The following SYT13 variants were observed in gnomAD, a reference collection of about 807,000 sequenced individuals.
The protein encoded by SYT13 is synaptotagmin-13.
Under a neutral mutation model 38.6 loss-of-function variants are expected in SYT13, and 21 were observed. The ratio of observed to expected loss-of-function variants is 0.54; its 90% CI spans 0.39 to 0.78. SYT13 has a LOEUF of 0.78. Ranked by LOEUF, SYT13 falls within the 30% of genes least tolerant of loss-of-function variation. The pLI, the probability that SYT13 is intolerant of heterozygous loss-of-function variation, is 0.00. For synonymous variants in SYT13, 241 were observed against 237.6 expected, an observed-to-expected ratio of 1.01 and a Z score of -0.13; for missense variants, 495 against 548.7, an observed-to-expected ratio of 0.90 and a Z score of 0.98.
chr11:45,286,133 C>T lies in SYT13; in HGVS notation c.75G>A (p.Gly25=), dbSNP rs1338194872. ...GTATSILALC[G]VTCLCRHMHP... ...GCATGTGCCGACACAGGCAGGTGAC[C>T]CCGCACAACGCGAGGATGCTGGTGG... Residue 25 remains glycine, a synonymous_variant, in exon 1 of 6, where the codon GGG becomes GGA. Coordinates refer to ENST00000020926, the MANE Select transcript of SYT13 (RefSeq NM_020826.3). 3.8e-6 allele frequency: 6 copies of T among 1,597,764 alleles called. No individual in the cohort carries two copies. The Admixed American group carries it at 1.0e-4, about 28-fold the overall frequency.
chr11:45,243,784 T>C lies in SYT13; in HGVS notation c.*268A>G, dbSNP rs1181277852. The C allele has an allele frequency of 1.5e-5, 6 of 394,840 alleles. No homozygotes were observed. The highest frequency in any genetic ancestry group is 2.2e-5 in the Non-Finnish European group (5 of 222,436). 24.5% of individuals were successfully genotyped at this position (394,840 alleles called of 1,614,324 possible). ...TCTGCATCTGGCCTAACCCCACCTA[T>C]AAAACAGGCATAGGAACTGTATTTA... On this transcript the variant is annotated 3_prime_UTR_variant, in exon 6 of 6. Coordinates refer to ENST00000020926, the MANE Select transcript of SYT13 (RefSeq NM_020826.3).
intron 4 of SYT13, among the ~76,000 whole-genome samples, chr11:45,251,386 T>TAAAAAAAAAAAAAAAAAAAAAAAAAAAAA (rs10649998): frequency 1.3e-5 from 1 of 75,354 alleles, no homozygotes; most frequent in African/African-American, 5.8e-5. Flanking sequence ...AGACTCTGTC[T>TAAAAAAAAAAAAAAAAAAAAAAAAAAAAA]AAAAAAAAAA....
chr11:45,244,504 T>A, intron 5 of SYT13, 148 bp from the exon 6 acceptor site: 1 of 952,998 alleles, frequency 1.0e-6, no homozygotes, highest in Non-Finnish European at 1.5e-6. Context: ...CCCAAACATC[T>A]TAGAGGCCTC....
chr11:45,251,105 C>T (rs1294476943), intron 4 of SYT13, among the ~76,000 whole-genome samples: 1 of 151,968 alleles, frequency 6.6e-6, no homozygotes, highest in African/African-American at 2.4e-5. Context: ...AAATAGTACC[C>T]TTGGCCGGGT....
At chr11:45,279,054 C>T (rs1432582597) in intron 1 of SYT13, among the ~76,000 whole-genome samples, 2 of 152,172 alleles carry the variant, frequency 1.3e-5, no homozygotes, top group African/African-American at 4.8e-5. Flanking sequence ...TTTATAGACA[C>T]TTTTATGCCA....
At position 45,243,267 on chromosome 11, in the gene SYT13, A is replaced by T. The variant is rs1395686289; in HGVS notation, c.*785T>A. 1 of 152,268 alleles carries T rather than the reference A, an allele frequency of 6.6e-6. No homozygotes were observed. The highest frequency in any genetic ancestry group is 6.5e-5 in the Admixed American group (1 of 15,292). The allele number at this position is 152,268 out of a possible 1,614,324, so 9.4% of individuals were successfully genotyped here. ...CAAGAGCAGGGGGCTTATGAAATGC[A>T]CAAATTAAAGTATTAAGAATTAAAA... On this transcript the variant is annotated 3_prime_UTR_variant, in exon 6 of 6. Transcript: ENST00000020926.
Position 45,255,627 on chromosome 11 carries a change from G to A in SYT13, c.409+39C>T, listed in dbSNP as rs1055088635. ...AGAGACATTGACAAGCCCCACTGGA[G>A]TGCTGCCCATGGAAGTGCAGGGGGC... On this transcript the variant is annotated intron_variant, in intron 2 of 5. Transcript: ENST00000020926. 3 of 1,583,024 alleles carry A rather than the reference G, an allele frequency of 1.9e-6. No individual in the cohort carries two copies. The African/African-American group carries it at 4.0e-5, about 21-fold the overall frequency.
At chr11:45,268,645 T>C (rs1342173862) in intron 1 of SYT13, among the ~76,000 whole-genome samples, 2 of 152,154 alleles carry the variant, frequency 1.3e-5, no homozygotes, top group Non-Finnish European at 1.5e-5. Context: ...ACATGGTTAA[T>C]AAGATGCAGA....
At chr11:45,281,666 C>CAAA (rs747673327) in intron 1 of SYT13, among the ~76,000 whole-genome samples, 47 of 112,110 alleles carry the variant, frequency 4.2e-4, no homozygotes, top group African/African-American at 1.5e-3. Context: ...GACTCTGCCT[C>CAAA]AAAAAAAAAA....
At chr11:45,278,787 AG>A (rs1297899695) in intron 1 of SYT13, among the ~76,000 whole-genome samples, 2 of 152,206 alleles carry the variant, frequency 1.3e-5, no homozygotes, top group African/African-American at 2.4e-5. Context: ...ACACAGGCTT[AG>A]GGGTCCACAT....
intron 1 of SYT13, among the ~76,000 whole-genome samples, chr11:45,266,010 TA>T (rs1307134126): frequency 6.6e-6 from 1 of 152,166 alleles, no homozygotes; most frequent in East Asian, 1.9e-4. Flanking sequence ...CATTAAGCTG[TA>T]AACTTAGGAT....
chr11:45,247,707 C>T (rs1854629995), intron 4 of SYT13, among the ~76,000 whole-genome samples: 1 of 152,168 alleles, frequency 6.6e-6, no homozygotes, highest in Non-Finnish European at 1.5e-5. Context: ...TCACTGTGGC[C>T]TCTAGTGGAT....
Position 45,252,273 on chromosome 11 carries a change from A to G in SYT13, c.846+148T>C. On this transcript the variant is annotated intron_variant, in intron 4 of 5. Coordinates refer to ENST00000020926, the MANE Select transcript of SYT13 (RefSeq NM_020826.3). This position sits in a 1 kb window ranked among gnomAD's most constrained non-coding sequence, Gnocchi z 4.3. ...TGGGTCTCCTCTAGCCCTCTGCCCC[A>G]TTCAAGATTCCAACCTCCCTTCCAG... The G allele has an allele frequency of 1.1e-6, 1 of 945,910 alleles. No homozygotes were observed. The highest frequency in any genetic ancestry group is 1.6e-6 in the Non-Finnish European group (1 of 638,382). 58.6% of individuals were successfully genotyped at this position (945,910 alleles called of 1,614,324 possible).
intron 1 of SYT13, among the ~76,000 whole-genome samples, chr11:45,275,760 A>T (rs1388630106): frequency 6.6e-6 from 1 of 152,040 alleles, no homozygotes; most frequent in Admixed American, 6.6e-5. Flanking sequence ...ATATTGAAAG[A>T]CCCTAAATAC....
chr11:45,244,111 C>T lies in SYT13; in HGVS notation c.1222G>A (p.Glu408Lys). The change falls in exon 6 of 6, where the codon GAG becomes AAG. Residue 408 changes from glutamate to lysine, a missense_variant. Coordinates refer to ENST00000020926, the MANE Select transcript of SYT13 (RefSeq NM_020826.3). Reference sequence around the variant, plus strand: ...CGGCGAGGGTTTTTGAGCATCTCCTCCCAGTGGCTGCGCTCAGAGCCCGAG... The same window carrying T: ...CGGCGAGGGTTTTTGAGCATCTCCTTCCAGTGGCTGCGCTCAGAGCCCGAG... ...HTSGSERSHW[E>K]EMLKNPRRQI... 1.9e-6 allele frequency: 3 copies of T among 1,612,314 alleles called. No homozygotes were observed. The highest frequency in any genetic ancestry group is 2.5e-6 in the Non-Finnish European group (3 of 1,179,638).
rs764489678 is a variant in SYT13, at chr11:45,252,578, G to A, written c.689C>T (p.Ala230Val). ...GGTGGCTGTGGGGAGCTCCTCCTCC[G>A]CCAGGGGGAGCACCAGGCCCTCCTC... ...TWEEGLVLPL[A>V]EEELPTATLT... is the part of the protein sequence containing the mutation. Residue 230 changes from alanine to valine, a missense_variant, in exon 4 of 6, where the codon GCG becomes GTG. Ala to Val is a moderately conservative substitution (Grantham distance 64). Transcript: ENST00000020926. The surrounding 1 kb of genome is among the most constrained non-coding windows in gnomAD (Gnocchi z 4.3). 2.8e-5 allele frequency: 45 copies of A among 1,613,976 alleles called. No homozygotes were observed. Among genetic ancestry groups the A allele is most frequent in the Admixed American group, 8.3e-5 (5 of 60,008 alleles).
In SYT13 at chr11:45,262,769, A is replaced by ACACAC. The variant is rs879343529; in HGVS notation, c.184-6879_184-6878insGTGTG. Among the ~76,000 whole-genome samples the ACACAC allele has an allele frequency of 3.7e-4, 27 of 72,968 alleles. 1 individual carries two copies. The highest frequency in any genetic ancestry group is 4.7e-4 in the Non-Finnish European group (18 of 38,442). The allele number at this position is 72,968 out of a possible 152,430, so 47.9% of individuals were successfully genotyped here. ...CACACACACACACACACACACACACAAATTGAACTGTACACTTAAAAATGG... is the reference window on the plus strand; with the variant it reads ...CACACACACACACACACACACACACACACACAATTGAACTGTACACTTAAAAATGG... On this transcript the variant is annotated intron_variant, in intron 1 of 5. Coordinates refer to ENST00000020926, the MANE Select transcript of SYT13 (RefSeq NM_020826.3).
chr11:45,263,477 A>G (rs1312543113), intron 1 of SYT13, among the ~76,000 whole-genome samples: 1 of 152,034 alleles, frequency 6.6e-6, no homozygotes, highest in African/African-American at 2.4e-5. Flanking sequence ...CAGGTGGGGG[A>G]AGCAGATCCA....
At chr11:45,266,453 A>C (rs1854882207) in intron 1 of SYT13, among the ~76,000 whole-genome samples, 1 of 151,792 alleles carries the variant, frequency 6.6e-6, no homozygotes, top group Non-Finnish European at 1.5e-5. Flanking sequence ...TCTTTTGTTT[A>C]TTTTATGACT....
Sources: allele counts gnomAD v4.1 joint callset (sites outside exome capture counted in the v4.1 genomes callset), GRCh38; gene constraint gnomAD v4.1.1; non-coding constraint Gnocchi (gnomAD v3.1); transcripts MANE v1.5; gene names NCBI Gene and HGNC (gene_info 2026-07-23, HGNC 2026-07-21).